The following FAM200C variants were observed in gnomAD, a reference collection of about 807,000 sequenced individuals.
chr5:160,395,801 T>C, the FAM200C span, among the ~76,000 whole-genome samples: 1 of 152,186 alleles, frequency 6.6e-6, no homozygotes, highest in South Asian at 2.1e-4. Flanking sequence ...TATTGGTGAA[T>C]TATAGTTATG....
At chr5:160,395,135 C>T in the FAM200C span, 1 of 1,613,962 alleles carries the variant, frequency 6.2e-7, no homozygotes, top group South Asian at 1.1e-5. Flanking sequence ...TTCCAGTGCA[C>T]AAGGTTTCAC....
At chr5:160,395,559 C>T in the FAM200C span, 1 of 1,276,366 alleles carries the variant, frequency 7.8e-7, no homozygotes. Flanking sequence ...TAAAATATAA[C>T]CCACACATTA....
the FAM200C span, chr5:160,395,065 T>A: frequency 3.7e-6 from 6 of 1,613,982 alleles, no homozygotes; most frequent in African/African-American, 8.0e-5. Context: ...TCACATCATC[T>A]GATAAGGGTA....
At chr5:160,400,053 C>A in the FAM200C span, 1 of 152,332 alleles carries the variant, frequency 6.6e-6, no homozygotes, top group African/African-American at 2.4e-5. Context: ...TCCGGGTTCT[C>A]CAGGGTGCTT....
chr5:160,393,797 C>G, the FAM200C span: 3 of 1,594,492 alleles, frequency 1.9e-6, no homozygotes, highest in Non-Finnish European at 2.6e-6. Flanking sequence ...GATATCATCA[C>G]TCAGATTAAA....
At chr5:160,394,525 A>G in the FAM200C span, 313 of 1,614,120 alleles carry the variant, frequency 1.9e-4, no homozygotes, top group Admixed American at 4.2e-4. Context: ...GGAGGACACT[A>G]TATTCTATGC....
the FAM200C span, chr5:160,397,438 A>T: frequency 9.2e-5 from 14 of 152,238 alleles, no homozygotes; most frequent in Non-Finnish European, 1.9e-4. Context: ...AGGCTCAAAT[A>T]TACCTTAGAA....
the FAM200C span, chr5:160,394,253 G>A: frequency 3.7e-6 from 6 of 1,613,126 alleles, no homozygotes; most frequent in Admixed American, 1.7e-5. Context: ...TTGCCAAAAT[G>A]GAAACTTCCT....
chr5:160,397,788 C>T, the FAM200C span, among the ~76,000 whole-genome samples: 4 of 152,210 alleles, frequency 2.6e-5, no homozygotes, highest in Non-Finnish European at 5.9e-5. Context: ...AATGAGACTA[C>T]ATGACCACTT....
the FAM200C span, among the ~76,000 whole-genome samples, chr5:160,398,161 GA>G: frequency 6.6e-6 from 1 of 152,208 alleles, no homozygotes; most frequent in Admixed American, 6.5e-5. Flanking sequence ...AGAATCGCTT[GA>G]ACCCAGGGGG....
chr5:160,395,402 C>T, the FAM200C span: 1 of 1,614,118 alleles, frequency 6.2e-7, no homozygotes, highest in Non-Finnish European at 8.5e-7. Context: ...ACACAACACA[C>T]ACTGTGGACG....
the FAM200C span, chr5:160,393,743 A>G: frequency 6.4e-7 from 1 of 1,552,848 alleles, no homozygotes; most frequent in Non-Finnish European, 8.7e-7. Context: ...CTTTTGTTCA[A>G]TGATGTCCGA....
chr5:160,399,263 A>T, the FAM200C span, among the ~76,000 whole-genome samples: 1 of 152,238 alleles, frequency 6.6e-6, no homozygotes, highest in Non-Finnish European at 1.5e-5. Flanking sequence ...GGTAGATATG[A>T]AAAAGTATTA....
chr5:160,394,522 A>G, the FAM200C span: 1 of 1,614,130 alleles, frequency 6.2e-7, no homozygotes, highest in Admixed American at 1.7e-5. Flanking sequence ...AAAGGAGGAC[A>G]CTATATTCTA....
At chr5:160,397,051 CAA>C in the FAM200C span, among the ~76,000 whole-genome samples, 16 of 152,186 alleles carry the variant, frequency 1.1e-4, no homozygotes, top group African/African-American at 3.6e-4. Flanking sequence ...TGATCTGTGA[CAA>C]GAGACACCAT....
chr5:160,395,102 G>A, the FAM200C span: 1 of 1,613,890 alleles, frequency 6.2e-7, no homozygotes, highest in Non-Finnish European at 8.5e-7. Flanking sequence ...TTGTGCATCT[G>A]GTCCCAAAAC....
chr5:160,397,836 A>G, the FAM200C span, among the ~76,000 whole-genome samples: 1 of 152,368 alleles, frequency 6.6e-6, no homozygotes, highest in South Asian at 2.1e-4. Flanking sequence ...CGATAAAATT[A>G]TGACATTACC....
chr5:160,399,622 G>A, the FAM200C span: 1 of 152,174 alleles, frequency 6.6e-6, no homozygotes, highest in East Asian at 1.9e-4. Context: ...TCCTCCAGAG[G>A]GGATAACAGT....
the FAM200C span, chr5:160,395,194 C>T: frequency 3.3e-5 from 54 of 1,613,636 alleles, no homozygotes; most frequent in African/African-American, 1.1e-4. Context: ...CACATAAATA[C>T]GCAAATTGAT....
Sources: allele counts gnomAD v4.1 joint callset (sites outside exome capture counted in the v4.1 genomes callset), GRCh38; gene constraint gnomAD v4.1.1; transcripts MANE v1.5.